Variants in CCDC60 observed in about 807,000 individuals in gnomAD.
CCDC60 encodes the protein coiled-coil domain containing 60.
CCDC60 carries 54 observed loss-of-function variants against 63.5 expected under a neutral mutation model. The observed-to-expected ratio is 0.85, with a 90% confidence interval of 0.68 to 1.07. The LOEUF (loss-of-function observed/expected upper bound fraction) is 1.07. Ranked by LOEUF, CCDC60 falls within the 50% of genes least tolerant of loss-of-function variation. CCDC60 has a pLI of 0.00. For missense variants in CCDC60, 651 were observed against 684.3 expected (o/e 0.95, Z 0.54); for synonymous variants, 206 against 238.8 (o/e 0.86, Z 1.27).
rs543957161 is a variant in CCDC60, at chr12:119,514,126, G to C, written c.884-2497G>C. 6.6e-5 allele frequency among the ~76,000 whole-genome samples: 10 copies of C among 152,122 alleles called. No homozygotes were observed. The South Asian group carries it at 2.1e-3, about 32-fold the overall frequency. On this transcript the variant is annotated intron_variant, in intron 7 of 13. Coordinates refer to ENST00000327554, the MANE Select transcript of CCDC60 (RefSeq NM_178499.5). Reference sequence around the variant, plus strand: ...CAGCAATATTGATAATCCTGACCCTGTGTAGGCCTAGGCTAATGCGTGTGT... The same window carrying C: ...CAGCAATATTGATAATCCTGACCCTCTGTAGGCCTAGGCTAATGCGTGTGT...
At chr12:119,530,172 T>C (rs1250492230) in intron 12 of CCDC60, among the ~76,000 whole-genome samples, 1 of 151,654 alleles carries the variant, frequency 6.6e-6, no homozygotes, top group East Asian at 1.9e-4. Flanking sequence ...TCCTAGAATA[T>C]AAAGCAGTAT....
chr12:119,405,267 G>C (rs140338197), intron 1 of CCDC60, among the ~76,000 whole-genome samples: 3 of 152,136 alleles, frequency 2.0e-5, no homozygotes, highest in Non-Finnish European at 2.9e-5. Flanking sequence ...TGGCAACTGC[G>C]GTTTCTCATC....
In CCDC60 at chr12:119,465,825, T is replaced by C. The variant is rs577893727; in HGVS notation, c.171-6169T>C. Among the ~76,000 whole-genome samples the C allele has an allele frequency of 6.9e-4, 105 of 152,228 alleles. 1 individual carries two copies. Among genetic ancestry groups the C allele is most frequent in the Non-Finnish European group, 1.2e-3 (79 of 68,014 alleles). On this transcript the variant is annotated intron_variant, in intron 2 of 13. Coordinates refer to ENST00000327554, the MANE Select transcript of CCDC60 (RefSeq NM_178499.5). Reference sequence around the variant, plus strand: ...CTCTGGGCCACTTACTCAAGGCTCCTTGGGCTTGTGTTTTCTCCAGACCAT... The same window carrying C: ...CTCTGGGCCACTTACTCAAGGCTCCCTGGGCTTGTGTTTTCTCCAGACCAT...
chr12:119,515,562 C>T (rs2136470046), intron 7 of CCDC60, among the ~76,000 whole-genome samples: 1 of 152,248 alleles, frequency 6.6e-6, no homozygotes, highest in South Asian at 2.1e-4. Flanking sequence ...CTCCTGAACT[C>T]AAGCAATCCT....
chr12:119,381,505 G>T (rs1956007534), intron 1 of CCDC60, among the ~76,000 whole-genome samples: 1 of 152,126 alleles, frequency 6.6e-6, no homozygotes, highest in Admixed American at 6.6e-5. Flanking sequence ...ACTGTCTCTA[G>T]CTCCCTATCT....
At chr12:119,484,124 C>T (rs1951386082) in intron 4 of CCDC60, among the ~76,000 whole-genome samples, 1 of 152,072 alleles carries the variant, frequency 6.6e-6, no homozygotes. Flanking sequence ...ATTCAGAAGC[C>T]AGACTGCCTG....
rs1235052311 is a variant in CCDC60, at chr12:119,524,396, A to T, written c.1229+578A>T. 7 of 974,784 alleles carry T rather than the reference A, an allele frequency of 7.2e-6. No homozygotes were observed. In the South Asian group the frequency reaches 2.4e-4, roughly 33 times the overall value. 60.4% of individuals were successfully genotyped at this position (974,784 alleles called of 1,614,324 possible). A position where few individuals can be genotyped will look rare whatever the true frequency, so the allele number is the denominator to read the frequency against. The stretch of plus-strand genomic sequence containing the variant: ...CAATAACTTCTGCCCTTTCTAGCTT[A>T]CTCCTTGACTCCAGAGACCATCCAT... On this transcript the variant is annotated intron_variant, in intron 11 of 13. Transcript: ENST00000327554.
At chr12:119,386,554 T>G (rs1468406021) in intron 1 of CCDC60, among the ~76,000 whole-genome samples, 1 of 150,814 alleles carries the variant, frequency 6.6e-6, no homozygotes, top group Admixed American at 6.6e-5. Context: ...TGGGGAGCCA[T>G]GGTGCGGTCG....
chr12:119,497,976 GTC>G (rs1951752859), intron 5 of CCDC60, among the ~76,000 whole-genome samples: 1 of 152,116 alleles, frequency 6.6e-6, no homozygotes, highest in Non-Finnish European at 1.5e-5. Context: ...CAAACATAAA[GTC>G]TTACAAAAAG....
chr12:119,352,051 G>A (rs1358618824), intron 1 of CCDC60, among the ~76,000 whole-genome samples: 1 of 152,186 alleles, frequency 6.6e-6, no homozygotes, highest in African/African-American at 2.4e-5. Flanking sequence ...CACAGTTGGG[G>A]AGGCCTCAGG....
chr12:119,418,992 CA>C (rs1210098461), intron 1 of CCDC60, among the ~76,000 whole-genome samples: 1 of 152,268 alleles, frequency 6.6e-6, no homozygotes, highest in Non-Finnish European at 1.5e-5. Flanking sequence ...CCAGCATCCA[CA>C]GCAGCTTTCA....
At chr12:119,525,968 GC>G (rs1455729580) in intron 11 of CCDC60, among the ~76,000 whole-genome samples, 1 of 152,134 alleles carries the variant, frequency 6.6e-6, no homozygotes, top group Non-Finnish European at 1.5e-5. Flanking sequence ...GCAATCTTAA[GC>G]AAAAAGAACA....
intron 5 of CCDC60, among the ~76,000 whole-genome samples, chr12:119,489,823 G>A (rs1951542356): frequency 1.3e-5 from 2 of 150,566 alleles, no homozygotes; most frequent in Non-Finnish European, 3.0e-5. Context: ...TTTTTAGACA[G>A]AGTCTTGCTC....
chr12:119,496,391 G>A (rs1275309041), intron 5 of CCDC60, among the ~76,000 whole-genome samples: 1 of 152,182 alleles, frequency 6.6e-6, no homozygotes, highest in Non-Finnish European at 1.5e-5. Context: ...ATTTGACAGT[G>A]CTCAGCGCCC....
At chr12:119,520,396 AC>A (rs141538915) in intron 9 of CCDC60, among the ~76,000 whole-genome samples, 2,343 of 152,186 alleles carry the variant, frequency 0.015, 16 homozygotes, top group Non-Finnish European at 0.018. Flanking sequence ...ACAATTATAT[AC>A]CATCAAGTTA....
At chr12:119,357,042 T>C (rs773704615) in intron 1 of CCDC60, among the ~76,000 whole-genome samples, 3 of 152,248 alleles carry the variant, frequency 2.0e-5, no homozygotes, top group Non-Finnish European at 4.4e-5. Context: ...GTTTCAACCT[T>C]TGTCCTCTCC....
At chr12:119,443,976 C>T (rs181125898) in intron 2 of CCDC60, among the ~76,000 whole-genome samples, 9 of 152,334 alleles carry the variant, frequency 5.9e-5, no homozygotes, top group African/African-American at 1.9e-4. Flanking sequence ...CATACACACA[C>T]ACATACACCA....
chr12:119,376,133 A>T (rs942124842), intron 1 of CCDC60, among the ~76,000 whole-genome samples: 5 of 152,220 alleles, frequency 3.3e-5, no homozygotes, highest in African/African-American at 1.2e-4. Context: ...CAAAGAAAGC[A>T]TGGCCACCTT....
intron 11 of CCDC60, among the ~76,000 whole-genome samples, chr12:119,527,065 A>G (rs776293712): frequency 3.9e-5 from 6 of 152,238 alleles, no homozygotes; most frequent in Non-Finnish European, 8.8e-5. Context: ...CATTCATACC[A>G]TGGAATATTA....
Sources: gnomAD v4.1 joint callset for allele counts (sites outside exome capture counted in the v4.1 genomes callset) on GRCh38, gnomAD v4.1.1 for gene constraint, MANE v1.5 for transcripts, NCBI Gene and HGNC (gene_info 2026-07-23, HGNC 2026-07-21) for gene names.